CADPS2: variants seen among roughly 807,000 people sequenced by gnomAD.
CADPS2 encodes calcium-dependent secretion activator 2.
In CADPS2, 93 loss-of-function variants were observed where a neutral mutation model predicts 172.5. The ratio of observed to expected loss-of-function variants is 0.54; its 90% CI spans 0.46 to 0.64. The LOEUF (loss-of-function observed/expected upper bound fraction) is 0.64, where lower values mean the gene tolerates loss of function less well. Ranked by LOEUF, CADPS2 falls within the 30% of genes least tolerant of loss-of-function variation. The pLI, the probability that CADPS2 is intolerant of heterozygous loss-of-function variation, is 0.00. For synonymous variants in CADPS2, 546 were observed against 555.2 expected, an observed-to-expected ratio of 0.98 and a Z score of 0.23; for missense variants, 1,420 against 1,565.9, an observed-to-expected ratio of 0.91 and a Z score of 1.57.
At chr7:122,413,523 G>C (rs1254811144) in intron 19 of CADPS2, among the ~76,000 whole-genome samples, 8 of 152,208 alleles carry the variant, frequency 5.3e-5, no homozygotes, top group Non-Finnish European at 2.9e-5. Flanking sequence ...ACTGTGGAGA[G>C]AGGGAGAATG....
At chr7:122,415,601 CAAA>C (rs549530021) in intron 18 of CADPS2, among the ~76,000 whole-genome samples, 4 of 64,944 alleles carry the variant, frequency 6.2e-5, no homozygotes, top group Non-Finnish European at 3.5e-5. Flanking sequence ...AATACAGAAC[CAAA>C]AAAAAAAAAA....
At chr7:122,662,753 CAT>C (rs1231995140) in intron 3 of CADPS2, among the ~76,000 whole-genome samples, 1 of 152,268 alleles carries the variant, frequency 6.6e-6, no homozygotes, top group African/African-American at 2.4e-5. Context: ...CTTTAAATTA[CAT>C]AGTTCAACTA....
intron 3 of CADPS2, among the ~76,000 whole-genome samples, chr7:122,633,132 T>C (rs1587991456): frequency 6.6e-6 from 1 of 152,164 alleles, no homozygotes; most frequent in East Asian, 1.9e-4. Context: ...GGTAGTGTGA[T>C]GTTTCTGGCT....
At chr7:122,480,204 G>A in intron 12 of CADPS2, 1 of 456,092 alleles carries the variant, frequency 2.2e-6, no homozygotes, top group South Asian at 1.6e-5. Context: ...AAAAAAAGAA[G>A]TGGAATAGAT....
intron 14 of CADPS2, among the ~76,000 whole-genome samples, chr7:122,465,378 G>C (rs536655533): frequency 6.6e-6 from 1 of 152,232 alleles, no homozygotes; most frequent in East Asian, 1.9e-4. Flanking sequence ...AGCCCAGATG[G>C]TTTAAAACAG....
chr7:122,651,993 G>C (rs987062609), intron 3 of CADPS2, among the ~76,000 whole-genome samples: 1 of 152,044 alleles, frequency 6.6e-6, no homozygotes, highest in African/African-American at 2.4e-5. Flanking sequence ...AGTAGTCAAC[G>C]ATGTGAAGTT....
intron 1 of CADPS2, among the ~76,000 whole-genome samples, chr7:122,781,811 C>G (rs1232364272): frequency 6.6e-6 from 1 of 152,050 alleles, no homozygotes; most frequent in Non-Finnish European, 1.5e-5. Flanking sequence ...AATTTTCTTT[C>G]TTAGGCATTT....
rs192429227 is a variant in CADPS2 at position 122,600,945 on chromosome 7, T to C, written c.1223+14236A>G. On this transcript the variant is annotated intron_variant, in intron 6 of 29. Transcript: ENST00000449022. ...AACAGCTAAAGTTATTTAACATTAA[T>C]GTAGATGTTGACATTTAGCTACTGA... Among the ~76,000 whole-genome samples the C allele has an allele frequency of 3.9e-5, 6 of 152,206 alleles. No individual in the cohort carries two copies. The East Asian group carries it at 9.7e-4, about 25-fold the overall frequency.
intron 18 of CADPS2, among the ~76,000 whole-genome samples, chr7:122,415,448 C>G (rs2047775036): frequency 6.6e-6 from 1 of 152,050 alleles, no homozygotes; most frequent in Admixed American, 6.6e-5. Flanking sequence ...TTTTCTGTAG[C>G]CCTTGCTGTT....
intron 1 of CADPS2, among the ~76,000 whole-genome samples, chr7:122,749,866 C>T (rs1174569327): frequency 6.6e-6 from 1 of 150,794 alleles, no homozygotes. Context: ...ATACATGCTT[C>T]AGATTTTTAA....
rs1824320012 is a variant in CADPS2 at position 122,886,166 on chromosome 7, T to A, written c.172A>T (p.Ser58Cys). The change falls in exon 1 of 30, where the codon AGC becomes TGC. Residue 58 changes from serine (S) to cysteine (C), a missense_variant. Coordinates refer to ENST00000449022, the MANE Select transcript of CADPS2 (RefSeq NM_017954.11). ...AGGGGAARSV[S>C]PSPSVLSEGR... is the part of the protein sequence containing the mutation. ...TCGCTGAGCACAGAGGGGCTCGGGC[T>A]CACAGATCTGGCCGCGCCGCCGCCG... The A allele has an allele frequency of 6.6e-7, 1 of 1,521,800 alleles. No homozygotes were observed. The highest frequency in any genetic ancestry group is 1.4e-5 in the African/African-American group (1 of 70,062). 94.3% of individuals were successfully genotyped at this position (1,521,800 alleles called of 1,614,324 possible). A position where few individuals can be genotyped will look rare whatever the true frequency, so the allele number is the denominator to read the frequency against.
chr7:122,453,821 A>T (rs996019759), intron 14 of CADPS2, among the ~76,000 whole-genome samples: 20 of 152,172 alleles, frequency 1.3e-4, no homozygotes. Context: ...GGTGATGACA[A>T]GTGAGAAAGG....
chr7:122,643,878 G>A (rs1055500243), intron 3 of CADPS2, among the ~76,000 whole-genome samples: 4 of 152,048 alleles, frequency 2.6e-5, no homozygotes, highest in Non-Finnish European at 5.9e-5. Context: ...ATTGCTTGAG[G>A]CCAGGAGTTG....
At chr7:122,765,080 T>C (rs2093504927) in intron 1 of CADPS2, among the ~76,000 whole-genome samples, 1 of 152,178 alleles carries the variant, frequency 6.6e-6, no homozygotes, top group Non-Finnish European at 1.5e-5. Flanking sequence ...ACAAACATAG[T>C]AGCTCATCTG....
chr7:122,844,530 G>C (rs1355816024), intron 1 of CADPS2, among the ~76,000 whole-genome samples: 1 of 152,114 alleles, frequency 6.6e-6, no homozygotes, highest in African/African-American at 2.4e-5. Flanking sequence ...AATATCATGG[G>C]ATATCCTGTT....
intron 23 of CADPS2, among the ~76,000 whole-genome samples, chr7:122,387,760 G>A (rs895667637): frequency 4.6e-5 from 7 of 151,992 alleles, no homozygotes; most frequent in Non-Finnish European, 7.4e-5. Context: ...AGTATCCTAT[G>A]AAAATCCACA....
chr7:122,744,281 C>G (rs2092625647), intron 1 of CADPS2, among the ~76,000 whole-genome samples: 2 of 152,176 alleles, frequency 1.3e-5, no homozygotes, highest in Admixed American at 1.3e-4. Flanking sequence ...CAGAGTGGAG[C>G]AGCACTGCAA....
chr7:122,447,812 C>T (rs938252367), intron 15 of CADPS2, among the ~76,000 whole-genome samples: 9 of 151,880 alleles, frequency 5.9e-5, no homozygotes, highest in Admixed American at 5.2e-4. Context: ...CTCAGTCTCC[C>T]AAAATGTTGG....
At chr7:122,474,134 A>C (rs1178837018) in intron 13 of CADPS2, among the ~76,000 whole-genome samples, 5 of 152,126 alleles carry the variant, frequency 3.3e-5, no homozygotes, top group African/African-American at 1.2e-4. Context: ...TTTAGCATCT[A>C]TTTGAGTCTA....
Sources: gnomAD v4.1 joint callset for allele counts (sites outside exome capture counted in the v4.1 genomes callset) on GRCh38, gnomAD v4.1.1 for gene constraint, MANE v1.5 for transcripts, NCBI Gene and HGNC (gene_info 2026-07-23, HGNC 2026-07-21) for gene names.